C2CD2L: variants seen among roughly 807,000 people sequenced by gnomAD.
C2CD2L encodes C2CD2 like.
A neutral mutation model predicts 69.9 loss-of-function variants in C2CD2L; 24 were observed. That is an observed-to-expected ratio of 0.34 (90% CI 0.25 to 0.48). The LOEUF is 0.48. C2CD2L is among the 20% of genes least tolerant of loss of function. The pLI is 0.99. For synonymous variants in C2CD2L, 367 were observed against 391.0 expected (o/e 0.94, Z 0.72); for missense variants, 811 against 941.5 (o/e 0.86, Z 1.81).
chr11:119,104,237 A>G (rs1946550939), upstream of C2CD2L, among the ~76,000 whole-genome samples: 1 of 152,194 alleles, frequency 6.6e-6, no homozygotes, highest in Non-Finnish European at 1.5e-5. Flanking sequence ...TGACGAGTAT[A>G]CTGAGACTCC....
chr11:119,108,168 G>C (rs1946640495), intron 1 of C2CD2L, 73 bp downstream of exon 1: 4 of 1,054,234 alleles, frequency 3.8e-6, no homozygotes, highest in South Asian at 1.5e-5. Context: ...GCTCGTGCTA[G>C]GAGGCCAGAC....
Position 119,114,082 on chromosome 11 carries a change from G to A in C2CD2L, c.1626G>A (p.Val542=). The A allele has an allele frequency of 6.2e-7, 1 of 1,614,076 alleles. No homozygotes were observed. The highest frequency in any genetic ancestry group is 1.3e-5 in the African/African-American group (1 of 75,038). ...STLIISGVSK[V]PIAQDELALS... is the part of the protein sequence containing the mutation. ...TTAAAACCCGTCCCTCCTGCCAGGT[G>A]CCCATTGCTCAGGACGAGTTGGCGC... The change falls in exon 13 of 14, where the codon GTG becomes GTA. Residue 542 remains valine (V), a splice_region_variant and synonymous_variant. Transcript: ENST00000648610. This position sits in a 1 kb window ranked among gnomAD's most constrained non-coding sequence, Gnocchi z 5.1.
In C2CD2L at chr11:119,109,014, C is replaced by CT. The variant is rs1946666332; in HGVS notation, c.354+920dup. Among the ~76,000 whole-genome samples, 2 of 152,234 alleles carry CT rather than the reference C, an allele frequency of 1.3e-5. No individual in the cohort carries two copies. Among genetic ancestry groups the CT allele is most frequent in the African/African-American group, 4.8e-5 (2 of 41,456 alleles). ...TGGCTGGCTAAAAGCCAGATGGCAT[C>CT]TGTCAGTTTACACCTTGAACCCACC... On this transcript the variant is annotated intron_variant, in intron 1 of 13. Coordinates refer to ENST00000648610, the MANE Select transcript of C2CD2L (RefSeq NM_001290474.2). The surrounding 1 kb of genome is among the most constrained non-coding windows in gnomAD (Gnocchi z 5.1).
chr11:119,107,472 A>C lies in C2CD2L; in HGVS notation c.-270A>C. ...GCCCGCGCGGTGGGAGGAGTCGGGC[A>C]CTGGCCGGCGACTAACGGGTCCGAC... On this transcript the variant is annotated 5_prime_UTR_variant, in exon 1 of 14. Transcript: ENST00000648610. The surrounding 1 kb of genome is among the most constrained non-coding windows in gnomAD (Gnocchi z 5.4). The C allele has an allele frequency of 6.6e-6, 2 of 305,108 alleles. No individual in the cohort carries two copies. Among genetic ancestry groups the C allele is most frequent in the Non-Finnish European group, 6.0e-6 (1 of 166,854 alleles). The allele number at this position is 305,108 out of a possible 1,614,324, so 18.9% of individuals were successfully genotyped here.
upstream of C2CD2L, chr11:119,107,010 G>C (rs556675153): frequency 1.2e-3 from 177 of 152,384 alleles, no homozygotes; most frequent in African/African-American, 4.1e-3. The surrounding 1 kb of genome is among the most constrained non-coding windows in gnomAD (Gnocchi z 5.4). Flanking sequence ...GCTGAGTCTG[G>C]GGGTGTTGGG....
upstream of C2CD2L, among the ~76,000 whole-genome samples, chr11:119,103,267 G>A (rs1946537986): frequency 6.6e-6 from 1 of 152,294 alleles, no homozygotes; most frequent in South Asian, 2.1e-4. Context: ...TGTCAGAGAG[G>A]AAGTCACCAC....
Position 119,111,720 on chromosome 11 carries a change from C to T in C2CD2L, c.1019+91C>T, listed in dbSNP as rs1299828438. 8 of 892,484 alleles carry T rather than the reference C, an allele frequency of 9.0e-6. No individual in the cohort carries two copies. The African/African-American group carries it at 1.2e-4, about 13-fold the overall frequency. The allele number at this position is 892,484 out of a possible 1,614,324, so 55.3% of individuals were successfully genotyped here. ...TCCTTGCAGGAATCAGCTCTGTTTT[C>T]AGTAGCCTTTGGCGTGAGCTCCTAT... On this transcript the variant is annotated intron_variant, in intron 7 of 13. Transcript: ENST00000648610.
chr11:119,112,846 G>A lies in C2CD2L; in HGVS notation c.1359G>A (p.Gln453=), dbSNP rs768712730. The change falls in exon 10 of 14, where the codon CAG becomes CAA. Residue 453 remains glutamine (Q), a synonymous_variant. Transcript: ENST00000648610. ...TTGTCACCACAGTCACCACTGTCCAGTCCCGGCCCCGTATAGACGGCAAAT... is the reference window on the plus strand; with the variant it reads ...TTGTCACCACAGTCACCACTGTCCAATCCCGGCCCCGTATAGACGGCAAAT... ...GTIVTTVTTV[Q]SRPRIDGKLD... 7 of 1,613,898 alleles carry A rather than the reference G, an allele frequency of 4.3e-6. No individual in the cohort carries two copies. The highest frequency in any genetic ancestry group is 5.9e-6 in the Non-Finnish European group (7 of 1,179,936).
chr11:119,107,553 AC>A lies in C2CD2L; in HGVS notation c.-184del, dbSNP rs898190465. 54 of 410,464 alleles carry A rather than the reference AC, an allele frequency of 1.3e-4. No homozygotes were observed. The highest frequency in any genetic ancestry group is 1.1e-3 in the African/African-American group (51 of 47,098). 25.4% of individuals were successfully genotyped at this position (410,464 alleles called of 1,614,324 possible). On this transcript the variant is annotated 5_prime_UTR_variant, in exon 1 of 14. Coordinates refer to ENST00000648610, the MANE Select transcript of C2CD2L (RefSeq NM_001290474.2). This position sits in a 1 kb window ranked among gnomAD's most constrained non-coding sequence, Gnocchi z 5.4. ...CGGAGACAGAGACCCCGGCATCGCGACCCCCGAGGACCTCCTCTCCTCGCCC... is the reference window on the plus strand; with the variant it reads ...CGGAGACAGAGACCCCGGCATCGCGACCCCGAGGACCTCCTCTCCTCGCCC...
chr11:119,117,833 T>G lies in C2CD2L; in HGVS notation c.*1577T>G, dbSNP rs1182506004. The G allele has an allele frequency of 1.3e-5, 2 of 152,180 alleles. No homozygotes were observed. Among genetic ancestry groups the G allele is most frequent in the Non-Finnish European group, 2.9e-5 (2 of 68,016 alleles). The allele number at this position is 152,180 out of a possible 1,614,324, so 9.4% of individuals were successfully genotyped here. A position where few individuals can be genotyped will look rare whatever the true frequency, so the allele number is the denominator to read the frequency against. ...CTGAGTCTGCCACAGACAAACCAAG[T>G]GATCTTGAGCAGGCAACTTCTCCTT... On this transcript the variant is annotated 3_prime_UTR_variant, in exon 14 of 14. Transcript: ENST00000648610.
upstream of C2CD2L, among the ~76,000 whole-genome samples, chr11:119,103,419 G>A (rs1397582995): frequency 1.3e-5 from 2 of 152,160 alleles, no homozygotes; most frequent in Admixed American, 6.5e-5. Flanking sequence ...ATGTGAGGCC[G>A]GGCGCAGTGG....
chr11:119,104,985 A>G (rs139672149), upstream of C2CD2L, among the ~76,000 whole-genome samples: 406 of 152,300 alleles, frequency 2.7e-3, 2 homozygotes, highest in Middle Eastern at 6.8e-3. Flanking sequence ...TTCCCATTCC[A>G]CTGGTATGGC....
At chr11:119,112,169 T>C in intron 7 of C2CD2L, 159 bp from the exon 8 acceptor site, 2 of 654,852 alleles carry the variant, frequency 3.1e-6, no homozygotes, top group Admixed American at 3.0e-5. Context: ...CCCTTTCTCT[T>C]GGGACGAGAG....
chr11:119,114,511 G>T lies in C2CD2L; in HGVS notation c.1909+146G>T. On this transcript the variant is annotated intron_variant, in intron 13 of 13. Coordinates refer to ENST00000648610, the MANE Select transcript of C2CD2L (RefSeq NM_001290474.2). This position sits in a 1 kb window ranked among gnomAD's most constrained non-coding sequence, Gnocchi z 5.1. ...TAGTTCAGCCAAGCTAGCCTAGAGG[G>T]GGATCTTGGTGCCTTGGTTCCTGGC... 1.3e-6 allele frequency: 1 copy of T among 759,506 alleles called. No individual in the cohort carries two copies. The highest frequency in any genetic ancestry group is 2.1e-6 in the Non-Finnish European group (1 of 473,004). The allele number at this position is 759,506 out of a possible 1,614,324, so 47.0% of individuals were successfully genotyped here.
upstream of C2CD2L, among the ~76,000 whole-genome samples, chr11:119,105,508 C>T (rs1419216432): frequency 1.3e-5 from 2 of 152,144 alleles, no homozygotes; most frequent in African/African-American, 4.8e-5. Context: ...GGCATGATGG[C>T]GCATGCCTAT....
rs978702614 is a variant in C2CD2L, at chr11:119,114,985, G to C, written c.1909+620G>C. 6.6e-6 allele frequency: 1 copy of C among 152,510 alleles called. No homozygotes were observed. The highest frequency in any genetic ancestry group is 1.4e-5 in the Non-Finnish European group (1 of 69,516). 9.4% of individuals were successfully genotyped at this position (152,510 alleles called of 1,614,324 possible). On this transcript the variant is annotated intron_variant, in intron 13 of 13. Coordinates refer to ENST00000648610, the MANE Select transcript of C2CD2L (RefSeq NM_001290474.2). The surrounding 1 kb of genome is among the most constrained non-coding windows in gnomAD (Gnocchi z 5.1). The stretch of plus-strand genomic sequence containing the variant: ...ATTTTTTTTTTCCATGGCTGGGCAC[G>C]GTGGTTAATGCCTGTAATCCTAGCA...
At position 119,114,056 on chromosome 11, in the gene C2CD2L, A is replaced by G. The variant is rs780225660; in HGVS notation, c.1624-24A>G. 1.2e-6 allele frequency: 2 copies of G among 1,613,836 alleles called. No homozygotes were observed. The stretch of plus-strand genomic sequence containing the variant: ...CCTAATGGGTCGGTCACTCCTGCCC[A>G]TTAAAACCCGTCCCTCCTGCCAGGT... On this transcript the variant is annotated intron_variant, in intron 12 of 13. Transcript: ENST00000648610. The surrounding 1 kb of genome is among the most constrained non-coding windows in gnomAD (Gnocchi z 5.1).
At position 119,111,307 on chromosome 11, in the gene C2CD2L, CATCCCCAGACCTAACCGGTT is replaced by C; in HGVS notation, c.846_865del (p.Arg284ThrfsTer11). ...CCATGATGCCCCAGGCTCAGCCAGC[CATCCCCAGACCTAACCGGTT>C]ATTCCTACGGCAGCTTCGGGCATCT... is the stretch of plus-strand genomic sequence containing the variant. On this transcript the variant is annotated frameshift_variant, in exon 6 of 14. Transcript: ENST00000648610. LOFTEE classifies it high-confidence loss of function. The C allele has an allele frequency of 6.2e-7, 1 of 1,614,238 alleles. No individual in the cohort carries two copies. Among genetic ancestry groups the C allele is most frequent in the Non-Finnish European group, 8.5e-7 (1 of 1,180,040 alleles).
At chr11:119,108,316 T>C (rs6589717) in intron 1 of C2CD2L, 456,025 of 499,140 alleles carry the variant, frequency 0.91, 209,515 homozygotes, top group Non-Finnish European at 0.95. Flanking sequence ...GGTACTCTGG[T>C]TCCAAACCCA....
Sources: gnomAD v4.1 joint callset for allele counts (sites outside exome capture counted in the v4.1 genomes callset) on GRCh38, gnomAD v4.1.1 for gene constraint, Gnocchi (gnomAD v3.1) non-coding constraint, MANE v1.5 for transcripts, NCBI Gene and HGNC (gene_info 2026-07-23, HGNC 2026-07-21) for gene names.